The following CPNE4 variants were observed in gnomAD, a reference collection of about 807,000 sequenced individuals.
CPNE4 encodes copine-4.
A neutral mutation model predicts 67.9 loss-of-function variants in CPNE4; 25 were observed. That is an observed-to-expected ratio of 0.37 (90% CI 0.27 to 0.51). The LOEUF is 0.51. Ranked by LOEUF, CPNE4 falls within the 20% of genes least tolerant of loss-of-function variation. The pLI, the probability that CPNE4 is intolerant of heterozygous loss-of-function variation, is 0.93. For synonymous variants in CPNE4, 242 were observed against 244.9 expected (o/e 0.99, Z 0.11); for missense variants, 464 against 690.8 (o/e 0.67, Z 3.68).
intron 1 of CPNE4, among the ~76,000 whole-genome samples, chr3:131,971,383 G>A (rs1442757400): frequency 6.6e-6 from 1 of 152,166 alleles, no homozygotes; most frequent in Non-Finnish European, 1.5e-5. Context: ...GTAATTCCAT[G>A]TCTCAATGAG....
intron 1 of CPNE4, among the ~76,000 whole-genome samples, chr3:131,912,713 A>T (rs1466451988): frequency 6.6e-6 from 1 of 152,142 alleles, no homozygotes; most frequent in East Asian, 1.9e-4. Flanking sequence ...TGGACACTGT[A>T]AGAGATGGAG....
intron 2 of CPNE4, among the ~76,000 whole-genome samples, chr3:131,816,994 CAT>C (rs1478685488): frequency 6.6e-6 from 1 of 152,168 alleles, no homozygotes; most frequent in Non-Finnish European, 1.5e-5. Flanking sequence ...AAAATTAAGA[CAT>C]AGAACAGCTT....
At chr3:131,993,434 T>A (rs2073214411) in intron 1 of CPNE4, among the ~76,000 whole-genome samples, 1 of 89,154 alleles carries the variant, frequency 1.1e-5, no homozygotes, top group African/African-American at 3.8e-5. Flanking sequence ...TCTGGGTCAC[T>A]CAAGCAGAAA....
intron 8 of CPNE4, among the ~76,000 whole-genome samples, chr3:131,581,918 T>G (rs1937863863): frequency 6.6e-6 from 1 of 152,238 alleles, no homozygotes; most frequent in African/African-American, 2.4e-5. Context: ...ACTTGATTGC[T>G]CTATGTCTTG....
chr3:131,875,311 C>G (rs1245463066), intron 2 of CPNE4, among the ~76,000 whole-genome samples: 1 of 152,268 alleles, frequency 6.6e-6, no homozygotes, highest in African/African-American at 2.4e-5. Flanking sequence ...TTTGACCCAG[C>G]CATCCCATTA....
At chr3:131,592,775 A>AATCC (rs1015417354) in intron 7 of CPNE4, among the ~76,000 whole-genome samples, 4 of 152,142 alleles carry the variant, frequency 2.6e-5, no homozygotes, top group African/African-American at 9.7e-5. Context: ...AAACTACTAG[A>AATCC]ATCCTCTAAG....
chr3:131,618,556 G>A (rs1300046007), intron 7 of CPNE4, among the ~76,000 whole-genome samples: 1 of 152,028 alleles, frequency 6.6e-6, no homozygotes, highest in African/African-American at 2.4e-5. Context: ...ACAGTATCGG[G>A]GCTTTCTTGC....
At chr3:131,754,067 G>T (rs1004935089) in intron 2 of CPNE4, among the ~76,000 whole-genome samples, 1 of 152,052 alleles carries the variant, frequency 6.6e-6, no homozygotes, top group South Asian at 2.1e-4. Context: ...GAGAATAATG[G>T]GTGGTTTATT....
At chr3:131,923,086 T>C (rs559565541) in intron 1 of CPNE4, among the ~76,000 whole-genome samples, 28 of 152,328 alleles carry the variant, frequency 1.8e-4, no homozygotes, top group Middle Eastern at 3.4e-3. Context: ...TGTGGGACTC[T>C]TTGGCAAGTT....
chr3:131,878,745 A>G (rs1412640784), intron 2 of CPNE4, among the ~76,000 whole-genome samples: 2 of 152,224 alleles, frequency 1.3e-5, no homozygotes, highest in African/African-American at 4.8e-5. Flanking sequence ...AAGATATTCC[A>G]TTAAGAATAG....
At chr3:131,558,474 G>A (rs753808900) in intron 11 of CPNE4, among the ~76,000 whole-genome samples, 3 of 151,886 alleles carry the variant, frequency 2.0e-5, no homozygotes, top group Non-Finnish European at 2.9e-5. Flanking sequence ...AAATTGAGGG[G>A]TATATTACCA....
At chr3:131,682,782 G>C (rs2080789995) in intron 6 of CPNE4, among the ~76,000 whole-genome samples, 1 of 151,996 alleles carries the variant, frequency 6.6e-6, no homozygotes, top group South Asian at 2.1e-4. Flanking sequence ...CCAGAGCTTG[G>C]AGTCGGAAAC....
chr3:131,559,453 A>G (rs1559896207), intron 11 of CPNE4, among the ~76,000 whole-genome samples: 1 of 151,986 alleles, frequency 6.6e-6, no homozygotes, highest in Non-Finnish European at 1.5e-5. Flanking sequence ...TTTCAGTAAG[A>G]GCTGATTTCT....
At chr3:131,543,592 T>A (rs1269212371) in intron 14 of CPNE4, among the ~76,000 whole-genome samples, 1 of 152,232 alleles carries the variant, frequency 6.6e-6, no homozygotes, top group African/African-American at 2.4e-5. Flanking sequence ...ATAATTTTTT[T>A]ATATGGAGTA....
At chr3:131,801,442 G>GTATATATA (rs1458010843) in intron 2 of CPNE4, among the ~76,000 whole-genome samples, 23 of 90,740 alleles carry the variant, frequency 2.5e-4, no homozygotes, top group African/African-American at 1.1e-3. Flanking sequence ...GTGTGTGTGT[G>GTATATATA]TGTGTGTGTG....
intron 7 of CPNE4, among the ~76,000 whole-genome samples, chr3:131,598,970 GT>G (rs1939056441): frequency 6.6e-6 from 1 of 151,832 alleles, no homozygotes; most frequent in African/African-American, 2.4e-5. Flanking sequence ...GGTCAGAAAG[GT>G]AAAAAGCAAA....
chr3:131,544,819 T>C (rs1383444284), intron 14 of CPNE4, among the ~76,000 whole-genome samples: 5 of 152,318 alleles, frequency 3.3e-5, no homozygotes, highest in African/African-American at 4.8e-5. Flanking sequence ...CATGAGCAGG[T>C]GGGCCCTCGA....
chr3:131,796,687 T>C (rs2083927334), intron 2 of CPNE4, among the ~76,000 whole-genome samples: 1 of 152,194 alleles, frequency 6.6e-6, no homozygotes, highest in East Asian at 1.9e-4. Context: ...CTAGGGAGAA[T>C]GCATTCAACC....
chr3:131,642,895 A>G (rs2079573749), intron 7 of CPNE4, among the ~76,000 whole-genome samples: 1 of 152,188 alleles, frequency 6.6e-6, no homozygotes, highest in African/African-American at 2.4e-5. Context: ...GCATCATAGA[A>G]TGGACTAATA....
Sources: allele counts gnomAD v4.1 joint callset (sites outside exome capture counted in the v4.1 genomes callset), GRCh38; gene constraint gnomAD v4.1.1; transcripts MANE v1.5; gene names NCBI Gene and HGNC (gene_info 2026-07-23, HGNC 2026-07-21).